CTNNA3: variants seen among roughly 807,000 people sequenced by gnomAD.
The protein encoded by CTNNA3 is catenin alpha 3.
CTNNA3 carries 76 observed loss-of-function variants against 95.7 expected under a neutral mutation model. The ratio of observed to expected loss-of-function variants is 0.79; its 90% CI spans 0.66 to 0.96. CTNNA3 has a LOEUF of 0.96. Ranked by LOEUF, CTNNA3 falls within the 40% of genes least tolerant of loss-of-function variation. The pLI is 0.00. For synonymous variants in CTNNA3, 431 were observed against 374.4 expected (o/e 1.15, Z -1.74); for missense variants, 1,191 against 1,089.8 (o/e 1.09, Z -1.31).
chr10:66,486,840 C>A (rs12221436), intron 11 of CTNNA3, among the ~76,000 whole-genome samples: 2,614 of 151,864 alleles, frequency 0.017, 103 homozygotes, highest in African/African-American at 0.059. Flanking sequence ...CACACACACA[C>A]ACACACAAAA....
Position 65,971,144 on chromosome 10 carries a change from T to C in CTNNA3, c.2266-4398A>G, listed in dbSNP as rs193058096. Reference sequence around the variant, plus strand: ...ATAATAGACACAACATATAAAAATCTCTAGGATGTAGCAAAAGTGCTGTTA... The same window carrying C: ...ATAATAGACACAACATATAAAAATCCCTAGGATGTAGCAAAAGTGCTGTTA... On this transcript the variant is annotated intron_variant, in intron 16 of 17. Coordinates refer to ENST00000433211, the MANE Select transcript of CTNNA3 (RefSeq NM_013266.4). Among the ~76,000 whole-genome samples, 4 of 151,948 alleles carry C rather than the reference T, an allele frequency of 2.6e-5. No homozygotes were observed. In the East Asian group the frequency reaches 7.8e-4, roughly 29 times the overall value.
chr10:66,949,031 G>A (rs1848408449), intron 7 of CTNNA3, among the ~76,000 whole-genome samples: 1 of 152,136 alleles, frequency 6.6e-6, no homozygotes, highest in Non-Finnish European at 1.5e-5. Flanking sequence ...GAAAAAGCAT[G>A]TAATCTTGCA....
intron 3 of CTNNA3, among the ~76,000 whole-genome samples, chr10:67,590,498 C>A (rs1564766089): frequency 6.6e-6 from 1 of 152,082 alleles, no homozygotes; most frequent in Non-Finnish European, 1.5e-5. Context: ...AGTAGTTGTA[C>A]CAATTTACAT....
At chr10:66,340,871 A>G (rs981306957) in intron 12 of CTNNA3, among the ~76,000 whole-genome samples, 16 of 151,864 alleles carry the variant, frequency 1.1e-4, no homozygotes, top group Non-Finnish European at 2.4e-4. Flanking sequence ...ATTTGAACTC[A>G]GATCTGCAGA....
intron 15 of CTNNA3, among the ~76,000 whole-genome samples, chr10:66,002,122 A>G (rs1308243040): frequency 6.6e-6 from 1 of 152,194 alleles, no homozygotes; most frequent in East Asian, 1.9e-4. Flanking sequence ...TCCCTTACTT[A>G]TAATTCTGTA....
At chr10:67,497,727 T>A (rs1237866573) in intron 5 of CTNNA3, among the ~76,000 whole-genome samples, 2 of 152,246 alleles carry the variant, frequency 1.3e-5, no homozygotes, top group Non-Finnish European at 2.9e-5. Context: ...CGCATAAATG[T>A]CTTCTTTTGA....
chr10:66,527,262 C>A (rs1483099161), intron 10 of CTNNA3, among the ~76,000 whole-genome samples: 1 of 152,040 alleles, frequency 6.6e-6, no homozygotes, highest in Non-Finnish European at 1.5e-5. Context: ...GATATCTTTT[C>A]TATGCCATTT....
intron 13 of CTNNA3, among the ~76,000 whole-genome samples, chr10:66,150,766 A>T (rs2084158794): frequency 1.3e-5 from 2 of 151,886 alleles, no homozygotes; most frequent in East Asian, 3.9e-4. Flanking sequence ...ATTTATTTTT[A>T]TTAGCTGATT....
intron 10 of CTNNA3, among the ~76,000 whole-genome samples, chr10:66,615,366 C>A (rs1456378542): frequency 6.6e-6 from 1 of 151,778 alleles, no homozygotes; most frequent in Admixed American, 6.6e-5. Flanking sequence ...TAAGTCAGTC[C>A]CCATATCACG....
chr10:66,359,073 C>T (rs764901993), intron 12 of CTNNA3, among the ~76,000 whole-genome samples: 3 of 152,160 alleles, frequency 2.0e-5, no homozygotes, highest in Non-Finnish European at 4.4e-5. Context: ...ATCCTCACAG[C>T]AAGTAAATAT....
chr10:66,535,160 GAA>G (rs951838605), intron 10 of CTNNA3, among the ~76,000 whole-genome samples: 1 of 146,684 alleles, frequency 6.8e-6, no homozygotes, highest in African/African-American at 2.5e-5. Context: ...TCTTAAGGGG[GAA>G]AAAAAAAACC....
At chr10:67,709,907 CTTT>C (rs1450830571) in intron 1 of CTNNA3, among the ~76,000 whole-genome samples, 1 of 152,174 alleles carries the variant, frequency 6.6e-6, no homozygotes, top group African/African-American at 2.4e-5. Flanking sequence ...ATAAATTCTT[CTTT>C]ATCAATGCTT....
At chr10:66,015,577 T>C (rs1164221997) in intron 15 of CTNNA3, among the ~76,000 whole-genome samples, 1 of 152,184 alleles carries the variant, frequency 6.6e-6, no homozygotes, top group Non-Finnish European at 1.5e-5. Flanking sequence ...GGTCTTTCCA[T>C]AGAAAAAGTT....
intron 7 of CTNNA3, among the ~76,000 whole-genome samples, chr10:66,922,229 T>A (rs1298294272): frequency 3.3e-5 from 5 of 152,260 alleles, no homozygotes; most frequent in African/African-American, 1.2e-4. Flanking sequence ...CGGTTTGTTC[T>A]GTATGCGATA....
At chr10:66,640,029 T>C (rs1845463336) in intron 9 of CTNNA3, among the ~76,000 whole-genome samples, 1 of 152,152 alleles carries the variant, frequency 6.6e-6, no homozygotes, top group African/African-American at 2.4e-5. Context: ...TGTTCAGAAA[T>C]CTTATTATTT....
At chr10:67,605,983 T>A (rs1589480134) in intron 3 of CTNNA3, among the ~76,000 whole-genome samples, 1 of 152,336 alleles carries the variant, frequency 6.6e-6, no homozygotes, top group Non-Finnish European at 1.5e-5. Context: ...AAATTTTTTT[T>A]AAATCCCCTG....
At chr10:66,827,764 C>T (rs1003394364) in intron 7 of CTNNA3, among the ~76,000 whole-genome samples, 2 of 152,182 alleles carry the variant, frequency 1.3e-5, no homozygotes, top group African/African-American at 4.8e-5. Flanking sequence ...AGGTGTATGT[C>T]TTTGAGCTCT....
intron 15 of CTNNA3, among the ~76,000 whole-genome samples, chr10:66,029,364 ACCT>A (rs1262676851): frequency 6.6e-6 from 1 of 151,358 alleles, no homozygotes; most frequent in Non-Finnish European, 1.5e-5. Flanking sequence ...CACATCTCTG[ACCT>A]CATCTTTTAA....
intron 12 of CTNNA3, among the ~76,000 whole-genome samples, chr10:66,307,267 CT>C (rs1325065530): frequency 7.9e-5 from 12 of 152,168 alleles, no homozygotes; most frequent in African/African-American, 2.6e-4. Flanking sequence ...GAAGTCTGCA[CT>C]CTTTAATGAT....
Sources: allele counts gnomAD v4.1 joint callset (sites outside exome capture counted in the v4.1 genomes callset), GRCh38; gene constraint gnomAD v4.1.1; transcripts MANE v1.5; gene names NCBI Gene and HGNC (gene_info 2026-07-23, HGNC 2026-07-21).